E2F6: variants seen among roughly 807,000 people sequenced by gnomAD.
The protein encoded by E2F6 is E2F transcription factor 6.
In E2F6, 19 loss-of-function variants were observed where a neutral mutation model predicts 31.5. The observed-to-expected ratio is 0.60, with a 90% CI of 0.42 to 0.89. E2F6 has a LOEUF of 0.89. E2F6 is among the 40% of genes least tolerant of loss of function. The pLI, the probability that E2F6 is intolerant of heterozygous loss-of-function variation, is 0.00. For missense variants in E2F6, 269 were observed against 341.6 expected, an observed-to-expected ratio of 0.79 and a Z score of 1.67; for synonymous variants, 121 against 127.7, an observed-to-expected ratio of 0.95 and a Z score of 0.36.
At chr2:11,462,610 T>C (rs1307562642) in intron 1 of E2F6, among the ~76,000 whole-genome samples, 3 of 152,202 alleles carry the variant, frequency 2.0e-5, no homozygotes, top group Admixed American at 6.5e-5. Context: ...CTGGAAGCAC[T>C]ACTTTTGTGC....
At chr2:11,460,340 T>C (rs1671699156) in intron 1 of E2F6, among the ~76,000 whole-genome samples, 1 of 152,206 alleles carries the variant, frequency 6.6e-6, no homozygotes, top group African/African-American at 2.4e-5. Flanking sequence ...GCAGACCAAG[T>C]TCTACCTCCA....
At chr2:11,461,689 T>C (rs1315501520) in intron 1 of E2F6, among the ~76,000 whole-genome samples, 2 of 152,218 alleles carry the variant, frequency 1.3e-5, no homozygotes, top group African/African-American at 2.4e-5. Context: ...GCCAGTTACA[T>C]GATGAAGGCT....
chr2:11,447,508 T>C, intron 6 of E2F6, 119 bp downstream of exon 6: 1 of 1,075,798 alleles, frequency 9.3e-7, no homozygotes, highest in Non-Finnish European at 1.4e-6. Context: ...AGTTATGCTG[T>C]AATTTTTTAC....
chr2:11,449,818 T>C (rs1245482541), intron 5 of E2F6, among the ~76,000 whole-genome samples, 194 bp downstream of exon 5: 1 of 152,256 alleles, frequency 6.6e-6, no homozygotes, highest in Non-Finnish European at 1.5e-5. Flanking sequence ...TTTTGGTTCC[T>C]CATCTTTAAG....
intron 1 of E2F6, 114 bp downstream of exon 1, chr2:11,465,658 G>T: frequency 2.8e-6 from 3 of 1,064,898 alleles, no homozygotes; most frequent in East Asian, 2.6e-5. Flanking sequence ...GCAGCGCCTG[G>T]CCCAGGGGGA....
chr2:11,457,404 A>AC (rs541232277), intron 1 of E2F6, among the ~76,000 whole-genome samples, 171 bp from the exon 2 acceptor site: 1,551 of 152,308 alleles, frequency 0.01, 4 homozygotes, highest in Middle Eastern at 0.031. Context: ...CAGGTGCATC[A>AC]CTGAGGTGAG....
At chr2:11,459,256 C>A (rs1671609638) in intron 1 of E2F6, among the ~76,000 whole-genome samples, 1 of 152,102 alleles carries the variant, frequency 6.6e-6, no homozygotes, top group South Asian at 2.1e-4. Context: ...TACTGGCTCC[C>A]AAAGAGGCTG....
chr2:11,449,529 C>T (rs995235132), intron 5 of E2F6, among the ~76,000 whole-genome samples: 2 of 152,290 alleles, frequency 1.3e-5, no homozygotes, highest in South Asian at 2.1e-4. Context: ...GAGCAGCTGG[C>T]GGCTGACAAA....
chr2:11,465,657 G>A (rs1214383790), intron 1 of E2F6, 115 bp downstream of exon 1: 6 of 1,047,414 alleles, frequency 5.7e-6, no homozygotes, highest in Non-Finnish European at 8.6e-6. Context: ...GGCAGCGCCT[G>A]GCCCAGGGGG....
rs2148373444 is a variant in E2F6, at chr2:11,466,063, C to G, written c.-184G>C. The stretch of plus-strand genomic sequence containing the variant: ...CCCGCCAGTAAACGCGGCACGGCCT[C>G]ACGTGCCCGGGAGCTCCCGACGCAG... On this transcript the variant is annotated 5_prime_UTR_variant, in exon 1 of 7. Transcript: ENST00000381525. The G allele has an allele frequency of 1.8e-6, 1 of 541,786 alleles. No individual in the cohort carries two copies. Among genetic ancestry groups the G allele is most frequent in the African/African-American group, 2.0e-5 (1 of 49,470 alleles). 33.6% of individuals were successfully genotyped at this position (541,786 alleles called of 1,614,324 possible). A position where few individuals can be genotyped will look rare whatever the true frequency, so the allele number is the denominator to read the frequency against.
chr2:11,450,812 T>G (rs189564888), intron 4 of E2F6, among the ~76,000 whole-genome samples: 1 of 152,224 alleles, frequency 6.6e-6, no homozygotes, highest in Non-Finnish European at 1.5e-5. Flanking sequence ...GTACCTGTAC[T>G]GTGGGAATAG....
intron 6 of E2F6, 112 bp downstream of exon 6, chr2:11,447,515 T>C: frequency 8.7e-7 from 1 of 1,143,324 alleles, no homozygotes; most frequent in Non-Finnish European, 1.3e-6. Context: ...CTGTAATTTT[T>C]TACTCATGTT....
chr2:11,447,484 T>C (rs1670789274), intron 6 of E2F6, 143 bp downstream of exon 6: 5 of 893,984 alleles, frequency 5.6e-6, no homozygotes, highest in Non-Finnish European at 8.7e-6. Flanking sequence ...AGAAATATTC[T>C]AAACTACAGT....
intron 6 of E2F6, among the ~76,000 whole-genome samples, chr2:11,447,152 T>C (rs1214008016): frequency 6.6e-6 from 1 of 152,202 alleles, no homozygotes; most frequent in African/African-American, 2.4e-5. Flanking sequence ...GAGTCACTGC[T>C]CTGGCCAGAT....
rs1377448970 is a variant in E2F6, at chr2:11,446,331, C to T, written c.*146G>A. The T allele has an allele frequency of 5.0e-6, 3 of 601,080 alleles. No individual in the cohort carries two copies. The highest frequency in any genetic ancestry group is 9.0e-6 in the Non-Finnish European group (3 of 333,814). 37.2% of individuals were successfully genotyped at this position (601,080 alleles called of 1,614,324 possible). ...ACTCAGTAATCTAAGTGGTGAACTC[C>T]TCAAAGACACTACTGGCCATGATGC... On this transcript the variant is annotated 3_prime_UTR_variant, in exon 7 of 7. Transcript: ENST00000381525.
chr2:11,463,335 A>C (rs992115635), intron 1 of E2F6, among the ~76,000 whole-genome samples: 1 of 152,212 alleles, frequency 6.6e-6, no homozygotes, highest in South Asian at 2.1e-4. Context: ...ATTCCCCCGA[A>C]GGAGTAGGAT....
intron 1 of E2F6, chr2:11,458,205 G>T (rs924495207): frequency 1.3e-6 from 2 of 1,510,578 alleles, no homozygotes; most frequent in African/African-American, 2.8e-5. Flanking sequence ...AGCAAAACTG[G>T]GGCAAGTGAA....
intron 5 of E2F6, among the ~76,000 whole-genome samples, chr2:11,448,027 C>T (rs747871463): frequency 3.9e-5 from 6 of 152,034 alleles, no homozygotes; most frequent in South Asian, 4.1e-4. Flanking sequence ...TCAAGGAGGC[C>T]GTATTTCAGT....
chr2:11,449,009 A>G (rs1256950363), intron 5 of E2F6, among the ~76,000 whole-genome samples: 2 of 152,244 alleles, frequency 1.3e-5, no homozygotes, highest in African/African-American at 4.8e-5. Context: ...GGACTCTAAG[A>G]GAAGCCTCAG....
Sources: allele counts gnomAD v4.1 joint callset (sites outside exome capture counted in the v4.1 genomes callset), GRCh38; gene constraint gnomAD v4.1.1; transcripts MANE v1.5; gene names NCBI Gene and HGNC (gene_info 2026-07-23, HGNC 2026-07-21).